The following CREB3L2 variants were observed in gnomAD, a reference collection of about 807,000 sequenced individuals.
The protein encoded by CREB3L2 is cAMP responsive element binding protein 3 like 2.
In CREB3L2, 23 loss-of-function variants were observed where a neutral mutation model predicts 57.2. The observed-to-expected ratio is 0.40, with a 90% CI of 0.29 to 0.57. The LOEUF is 0.57. Ranked by LOEUF, CREB3L2 falls within the 20% of genes least tolerant of loss-of-function variation. CREB3L2 has a pLI of 0.42. For missense variants in CREB3L2, 628 were observed against 634.7 expected, an observed-to-expected ratio of 0.99 and a Z score of 0.11; for synonymous variants, 268 against 265.1, an observed-to-expected ratio of 1.01 and a Z score of -0.11.
In CREB3L2 at chr7:138,001,474, A is replaced by G. The variant is rs908505941; in HGVS notation, c.102+130T>C. The G allele has an allele frequency of 6.3e-5, 40 of 633,768 alleles. 1 individual carries two copies. The South Asian group carries it at 7.1e-4, about 11-fold the overall frequency. The allele number at this position is 633,768 out of a possible 1,614,324, so 39.3% of individuals were successfully genotyped here. On this transcript the variant is annotated intron_variant, in intron 1 of 11. Coordinates refer to ENST00000330387, the MANE Select transcript of CREB3L2 (RefSeq NM_194071.4). This position sits in a 1 kb window ranked among gnomAD's most constrained non-coding sequence, Gnocchi z 4.2. ...TCAGACATTAAAGTACACCTCGCCC[A>G]GGACCTCTTGATTCTGACCATGCCC... is the stretch of plus-strand genomic sequence containing the variant.
chr7:137,878,584 T>G lies in CREB3L2; in HGVS notation c.*1892A>C, dbSNP rs1799210190. On this transcript the variant is annotated 3_prime_UTR_variant, in exon 12 of 12. Transcript: ENST00000330387. The stretch of plus-strand genomic sequence containing the variant: ...CTCCTCCTGCACAGCTCAGACAGTC[T>G]CCGCCCTGGCTAATGGGAGGGACAA... The G allele has an allele frequency of 4.3e-6, 1 of 233,492 alleles. No individual in the cohort carries two copies. Among genetic ancestry groups the G allele is most frequent in the Admixed American group, 5.6e-5 (1 of 17,818 alleles). The allele number at this position is 233,492 out of a possible 1,614,324, so 14.5% of individuals were successfully genotyped here. A position where few individuals can be genotyped will look rare whatever the true frequency, so the allele number is the denominator to read the frequency against.
At chr7:137,995,613 G>A (rs1210911902) in intron 1 of CREB3L2, among the ~76,000 whole-genome samples, 4 of 152,060 alleles carry the variant, frequency 2.6e-5, no homozygotes, top group African/African-American at 4.8e-5. Flanking sequence ...GATTACAGGC[G>A]TCAGCCACCG....
chr7:137,969,535 T>C (rs1321128353), intron 1 of CREB3L2, among the ~76,000 whole-genome samples: 1 of 151,662 alleles, frequency 6.6e-6, no homozygotes, highest in Admixed American at 6.6e-5. Context: ...TATTTTTTAG[T>C]AGAGACGGGA....
At chr7:137,999,411 C>CACACAG (rs1802040624) in intron 1 of CREB3L2, among the ~76,000 whole-genome samples, 1 of 150,466 alleles carries the variant, frequency 6.6e-6, no homozygotes. Context: ...CACACACACA[C>CACACAG]ACACACACGA....
chr7:137,922,390 A>ATATATATATATACATATATATATATG, intron 2 of CREB3L2, among the ~76,000 whole-genome samples: 1 of 18,292 alleles, frequency 5.5e-5, no homozygotes, highest in East Asian at 8.3e-3. Flanking sequence ...ATATGTATAT[A>ATATATATATATACATATATATATATG]TATATATATA....
chr7:137,957,581 C>T, intron 1 of CREB3L2: 1 of 367,128 alleles, frequency 2.7e-6, no homozygotes, highest in South Asian at 2.2e-5. Flanking sequence ...TAACTCCAAA[C>T]TCAACAACTA....
intron 1 of CREB3L2, chr7:137,957,995 T>G: frequency 3.5e-6 from 1 of 282,656 alleles, no homozygotes; most frequent in Non-Finnish European, 7.0e-6. Context: ...CCCACTGAAG[T>G]CCCAGGAGCT....
At chr7:137,935,189 CG>C (rs1800754425) in intron 1 of CREB3L2, among the ~76,000 whole-genome samples, 1 of 152,158 alleles carries the variant, frequency 6.6e-6, no homozygotes, top group Admixed American at 6.5e-5. Flanking sequence ...ACAATAGTTC[CG>C]GCCTTGTGTC....
At chr7:137,928,061 C>A (rs1460348936) in intron 2 of CREB3L2, 89 bp downstream of exon 2, 4 of 1,009,008 alleles carry the variant, frequency 4.0e-6, no homozygotes, top group South Asian at 1.4e-5. Flanking sequence ...GGTGCTGACA[C>A]CCTCTTTAAT....
Position 137,916,021 on chromosome 7 carries a change from A to G in CREB3L2, c.320-9T>C. The G allele has an allele frequency of 6.2e-7, 1 of 1,609,780 alleles. No individual in the cohort carries two copies. The highest frequency in any genetic ancestry group is 1.1e-5 in the South Asian group (1 of 90,362). On this transcript the variant is annotated splice_polypyrimidine_tract_variant and intron_variant, in intron 2 of 11. Transcript: ENST00000330387. ...CTCACTTTCCACCTCATCTGCAGGA[A>G]AAAAGACAAGCACACATGTGAACTT...
At chr7:137,890,203 CA>C (rs1317117874) in intron 8 of CREB3L2, among the ~76,000 whole-genome samples, 2 of 152,136 alleles carry the variant, frequency 1.3e-5, no homozygotes, top group Non-Finnish European at 2.9e-5. Context: ...AACAAAATTT[CA>C]GTAACAATGA....
intron 3 of CREB3L2, among the ~76,000 whole-genome samples, chr7:137,913,562 C>T (rs531574924): frequency 6.7e-6 from 1 of 150,214 alleles, no homozygotes; most frequent in Non-Finnish European, 1.5e-5. Flanking sequence ...ACTCAGAACT[C>T]TAAAGTTGAA....
intron 1 of CREB3L2, among the ~76,000 whole-genome samples, chr7:137,977,076 C>T (rs1801621266): frequency 6.6e-6 from 1 of 152,206 alleles, no homozygotes; most frequent in Non-Finnish European, 1.5e-5. Context: ...TAAAGACAGA[C>T]ACCCCCTGAG....
At chr7:137,927,473 G>A (rs919873854) in intron 2 of CREB3L2, among the ~76,000 whole-genome samples, 3 of 150,870 alleles carry the variant, frequency 2.0e-5, no homozygotes, top group Non-Finnish European at 4.4e-5. Flanking sequence ...AAGAAAAGAA[G>A]AAAAGAAAAG....
intron 1 of CREB3L2, among the ~76,000 whole-genome samples, chr7:137,991,728 G>A (rs927674471): frequency 1.3e-4 from 20 of 151,798 alleles, no homozygotes; most frequent in Admixed American, 1.1e-3. Context: ...CCAACACAGC[G>A]AAACTCTGTC....
At chr7:137,969,794 A>ACATAC (rs772071525) in intron 1 of CREB3L2, among the ~76,000 whole-genome samples, 1 of 69,890 alleles carries the variant, frequency 1.4e-5, no homozygotes, top group Non-Finnish European at 4.1e-5. Flanking sequence ...ACACACACAC[A>ACATAC]ACATACACAT....
intron 1 of CREB3L2, chr7:137,957,711 T>C: frequency 8.1e-7 from 1 of 1,231,972 alleles, no homozygotes; most frequent in Non-Finnish European, 1.1e-6. Flanking sequence ...TTCCACTCAA[T>C]TTACAGGCTT....
chr7:137,899,883 A>G (rs998234186), intron 8 of CREB3L2, among the ~76,000 whole-genome samples: 13 of 152,202 alleles, frequency 8.5e-5, no homozygotes, highest in African/African-American at 1.4e-4. Context: ...TTCATTTGTT[A>G]TTATCAAATA....
At chr7:137,974,958 C>T (rs748987329) in intron 1 of CREB3L2, among the ~76,000 whole-genome samples, 2 of 152,110 alleles carry the variant, frequency 1.3e-5, no homozygotes, top group Non-Finnish European at 2.9e-5. Flanking sequence ...ATGGGCCCAT[C>T]ATGATAGAGA....
Sources: allele counts gnomAD v4.1 joint callset (sites outside exome capture counted in the v4.1 genomes callset), GRCh38; gene constraint gnomAD v4.1.1; non-coding constraint Gnocchi (gnomAD v3.1); transcripts MANE v1.5; gene names NCBI Gene and HGNC (gene_info 2026-07-23, HGNC 2026-07-21).